PHF20L1: variants seen among roughly 807,000 people sequenced by gnomAD.
PHF20L1 encodes the protein PHD finger protein 20 like 1.
PHF20L1 carries 44 observed loss-of-function variants against 125.5 expected under a neutral mutation model. The observed-to-expected ratio is 0.35, with a 90% CI of 0.28 to 0.45. The LOEUF (loss-of-function observed/expected upper bound fraction) is 0.45. Among genes scored for constraint, PHF20L1 ranks in the 20% least tolerant of loss-of-function variants. PHF20L1 has a pLI of 1.00. For missense variants in PHF20L1, 1,012 were observed against 1,217.2 expected, an observed-to-expected ratio of 0.83 and a Z score of 2.51; for synonymous variants, 380 against 403.1, an observed-to-expected ratio of 0.94 and a Z score of 0.69.
chr8:132,822,861 T>C (rs1403792863), intron 12 of PHF20L1, among the ~76,000 whole-genome samples: 1 of 151,834 alleles, frequency 6.6e-6, no homozygotes, highest in African/African-American at 2.4e-5. Flanking sequence ...TTTTTGATAC[T>C]GTTGTAGAAT....
At chr8:132,805,361 A>G (rs1249868031) in intron 8 of PHF20L1, among the ~76,000 whole-genome samples, 1 of 151,944 alleles carries the variant, frequency 6.6e-6, no homozygotes, top group Admixed American at 6.6e-5. Context: ...TGAAAATTCT[A>G]GCCTGGTTCG....
In PHF20L1 at chr8:132,830,079, G is replaced by A. The variant is rs139991834; in HGVS notation, c.1745-2156G>A. Among the ~76,000 whole-genome samples the A allele has an allele frequency of 1.1e-3, 167 of 152,122 alleles. 3 individuals are homozygous for A. In the East Asian group the frequency reaches 0.031, roughly 28 times the overall value. On this transcript the variant is annotated intron_variant, in intron 14 of 20. Transcript: ENST00000395386. ...AGGAGTCCAAAATGGGTCTCTCTAG[G>A]TTAAAACCAAGGTATCAACAGGGCT...
intron 9 of PHF20L1, chr8:132,812,022 G>C (rs1449478012): frequency 1.0e-6 from 1 of 983,734 alleles, no homozygotes; most frequent in Non-Finnish European, 1.2e-6. Flanking sequence ...GGCCTGATTT[G>C]ATAACAATGC....
intron 15 of PHF20L1, among the ~76,000 whole-genome samples, chr8:132,834,282 C>T (rs1002340676): frequency 2.0e-5 from 3 of 152,058 alleles, no homozygotes; most frequent in Admixed American, 1.3e-4. Context: ...CTTTGCCATG[C>T]AAGTATATGT....
intron 2 of PHF20L1, among the ~76,000 whole-genome samples, chr8:132,791,773 C>T (rs1831739111): frequency 6.6e-6 from 1 of 152,136 alleles, no homozygotes; most frequent in South Asian, 2.1e-4. Context: ...TCTTGGCCTT[C>T]ATCCCAACTG....
Position 132,804,034 on chromosome 8 carries a change from T to TA in PHF20L1, c.721+3dup. The TA allele has an allele frequency of 6.3e-7, 1 of 1,575,048 alleles. No individual in the cohort carries two copies. The highest frequency in any genetic ancestry group is 2.2e-5 in the East Asian group (1 of 44,548). On this transcript the variant is annotated splice_region_variant and intron_variant, in intron 7 of 20. Coordinates refer to ENST00000395386, the MANE Select transcript of PHF20L1 (RefSeq NM_016018.5). ...TGCCTACATCTAGTGAAACATTTGG[T>TA]ACAAAATACATTCTTACGTTAATTC...
intron 14 of PHF20L1, 45 bp from the exon 15 acceptor site, chr8:132,832,190 T>A (rs377262808): frequency 1.6e-5 from 19 of 1,216,288 alleles, no homozygotes; most frequent in Non-Finnish European, 2.2e-5. Context: ...TGACCTTAAT[T>A]ATCTGACACT....
intron 1 of PHF20L1, among the ~76,000 whole-genome samples, chr8:132,776,287 A>G (rs1829750365): frequency 6.6e-6 from 1 of 152,062 alleles, no homozygotes; most frequent in South Asian, 2.1e-4. Context: ...TCAATCCATC[A>G]CTTAATTATG....
chr8:132,834,209 T>C (rs1424388685), intron 15 of PHF20L1, among the ~76,000 whole-genome samples: 1 of 152,124 alleles, frequency 6.6e-6, no homozygotes, highest in East Asian at 1.9e-4. Flanking sequence ...GCTTGGGAGT[T>C]ATTCAAACTA....
intron 9 of PHF20L1, among the ~76,000 whole-genome samples, chr8:132,814,327 G>T (rs545096389): frequency 6.6e-6 from 1 of 151,694 alleles, no homozygotes; most frequent in African/African-American, 2.4e-5. Flanking sequence ...TCCTAAAGGG[G>T]TATATTTCTA....
chr8:132,779,298 C>T (rs956305548), intron 2 of PHF20L1, among the ~76,000 whole-genome samples: 1 of 152,130 alleles, frequency 6.6e-6, no homozygotes, highest in Non-Finnish European at 1.5e-5. Flanking sequence ...TGCCAAATGA[C>T]AACTGGAATG....
intron 2 of PHF20L1, among the ~76,000 whole-genome samples, chr8:132,793,816 G>A (rs1832062968): frequency 6.6e-6 from 1 of 152,090 alleles, no homozygotes; most frequent in African/African-American, 2.4e-5. Context: ...AAGAATTAAA[G>A]TGAGCTTATG....
At chr8:132,835,397 G>A (rs896693437) in intron 15 of PHF20L1, among the ~76,000 whole-genome samples, 1 of 152,084 alleles carries the variant, frequency 6.6e-6, no homozygotes, top group African/African-American at 2.4e-5. Context: ...TGATGACTCA[G>A]TTTTCCTAAC....
chr8:132,844,497 A>G (rs1291817637), intron 20 of PHF20L1, among the ~76,000 whole-genome samples, 179 bp downstream of exon 20: 1 of 152,124 alleles, frequency 6.6e-6, no homozygotes, highest in Non-Finnish European at 1.5e-5. Context: ...GCTTAAAACA[A>G]TGTGACCGGG....
At chr8:132,798,287 A>G (rs1051786915) in intron 4 of PHF20L1, among the ~76,000 whole-genome samples, 15 of 151,980 alleles carry the variant, frequency 9.9e-5, no homozygotes, top group African/African-American at 3.6e-4. Flanking sequence ...GTCTGGAACT[A>G]CAATTCTTAT....
chr8:132,799,328 T>G, intron 6 of PHF20L1, 156 bp downstream of exon 6: 7 of 518,506 alleles, frequency 1.4e-5, no homozygotes, highest in East Asian at 3.2e-5. Flanking sequence ...TAAAAGGCGC[T>G]TACCTGACAC....
Position 132,837,840 on chromosome 8 carries a change from C to T in PHF20L1, c.2191+29C>T, listed in dbSNP as rs755377559. Reference sequence around the variant, plus strand: ...AGGCTTTCTGTGCCGTGCTGATTGCCAGGATGCCTCTATGTCTCCTCCAGG... The same window carrying T: ...AGGCTTTCTGTGCCGTGCTGATTGCTAGGATGCCTCTATGTCTCCTCCAGG... On this transcript the variant is annotated intron_variant, in intron 17 of 20. Transcript: ENST00000395386. 4.1e-6 allele frequency: 6 copies of T among 1,480,682 alleles called. No individual in the cohort carries two copies. The Middle Eastern group carries it at 5.8e-4, about 143-fold the overall frequency. 91.7% of individuals were successfully genotyped at this position (1,480,682 alleles called of 1,614,324 possible). A position where few individuals can be genotyped will look rare whatever the true frequency, so the allele number is the denominator to read the frequency against.
chr8:132,803,263 T>C (rs1313935521), intron 6 of PHF20L1, among the ~76,000 whole-genome samples: 1 of 151,824 alleles, frequency 6.6e-6, no homozygotes, highest in Non-Finnish European at 1.5e-5. Flanking sequence ...TAAATTGCTA[T>C]CTGAACTTCA....
chr8:132,793,352 T>C (rs1270949235), intron 2 of PHF20L1, among the ~76,000 whole-genome samples: 3 of 152,266 alleles, frequency 2.0e-5, no homozygotes, highest in Admixed American at 6.5e-5. Context: ...CCTTGAAATA[T>C]CTGAAAAACT....
Sources: allele counts gnomAD v4.1 joint callset (sites outside exome capture counted in the v4.1 genomes callset), GRCh38; gene constraint gnomAD v4.1.1; transcripts MANE v1.5; gene names NCBI Gene and HGNC (gene_info 2026-07-23, HGNC 2026-07-21).